Variants in RPS6KA3 observed in about 807,000 individuals in gnomAD.
The protein encoded by RPS6KA3 is ribosomal protein S6 kinase alpha-3.
A neutral mutation model predicts 67.2 loss-of-function variants in RPS6KA3; 4 were observed. That is an observed-to-expected ratio of 0.06 (90% CI 0.03 to 0.14). The LOEUF (loss-of-function observed/expected upper bound fraction) is 0.14, where lower values mean the gene tolerates loss of function less well. Among genes scored for constraint, RPS6KA3 ranks in the 10% least tolerant of loss-of-function variants. The pLI is 1.00. For synonymous variants in RPS6KA3, 182 were observed against 183.7 expected, an observed-to-expected ratio of 0.99 and a Z score of 0.07; for missense variants, 204 against 559.0, an observed-to-expected ratio of 0.36 and a Z score of 6.40.
At position 20,154,656 on chromosome X, in the gene RPS6KA3, C is replaced by T. The variant is rs1173362029; in HGVS notation, c.*742G>A. On this transcript the variant is annotated 3_prime_UTR_variant, in exon 22 of 22. Transcript: ENST00000379565. ...GATAACTTTCTCTACCATAACAGCT[C>T]TCTAGGTTAGTCTGACAGAGCACCT... The T allele has an allele frequency of 2.6e-5, 3 of 113,370 alleles. No individual in the cohort carries two copies. Among genetic ancestry groups the T allele is most frequent in the South Asian group, 3.6e-4 (1 of 2,772 alleles). The allele number at this position is 113,370 out of a possible 1,213,427, so 9.3% of individuals were successfully genotyped here. A position where few individuals can be genotyped will look rare whatever the true frequency, so the allele number is the denominator to read the frequency against.
intron 3 of RPS6KA3, among the ~76,000 whole-genome samples, chrX:20,207,049 T>C (rs907027554): frequency 1.8e-5 from 2 of 111,893 alleles, no homozygotes; most frequent in Non-Finnish European, 3.8e-5. Flanking sequence ...TGAAAGGTTA[T>C]GGAGGGGTAG....
chrX:20,177,748 A>G (rs774348469), intron 10 of RPS6KA3, among the ~76,000 whole-genome samples: 7 of 111,812 alleles, frequency 6.3e-5, no homozygotes, highest in Non-Finnish European at 9.4e-5. Flanking sequence ...CTCCTCCTCA[A>G]AGGGAATTTA....
At position 20,266,711 on chromosome X, in the gene RPS6KA3, G is replaced by A. The variant is rs1387251339; in HGVS notation, c.-79C>T. ...GGCCGGCCCCGCTCCGTCGCCGCCC[G>A]AGCCCCACGGCAGCGGCGGCGGCGG... is the stretch of plus-strand genomic sequence containing the variant. On this transcript the variant is annotated 5_prime_UTR_variant, in exon 1 of 22. Transcript: ENST00000379565. 2 of 652,053 alleles carry A rather than the reference G, an allele frequency of 3.1e-6. No homozygotes were observed. Among genetic ancestry groups the A allele is most frequent in the East Asian group, 1.1e-4 (1 of 9,177 alleles). The allele number at this position is 652,053 out of a possible 1,213,427, so 53.7% of individuals were successfully genotyped here.
intron 6 of RPS6KA3, among the ~76,000 whole-genome samples, 193 bp from the exon 7 acceptor site, chrX:20,193,786 CTA>C (rs1356389362): frequency 1.1e-4 from 12 of 112,232 alleles, no homozygotes; most frequent in Non-Finnish European, 1.9e-4. Flanking sequence ...TAAATACTAA[CTA>C]TGCACTATGG....
At chrX:20,241,310 T>C (rs2147013996) in intron 1 of RPS6KA3, among the ~76,000 whole-genome samples, 1 of 108,426 alleles carries the variant, frequency 9.2e-6, no homozygotes, top group South Asian at 3.9e-4. Context: ...TATGTTGAGA[T>C]AAGAATAAAG....
At chrX:20,235,925 A>G (rs2069397955) in intron 1 of RPS6KA3, among the ~76,000 whole-genome samples, 1 of 111,844 alleles carries the variant, frequency 8.9e-6, no homozygotes, top group Admixed American at 9.5e-5. Context: ...ATTCCTAACA[A>G]TAGAGAACTA....
intron 2 of RPS6KA3, among the ~76,000 whole-genome samples, chrX:20,232,305 TGGC>T (rs2069287633): frequency 8.9e-6 from 1 of 112,649 alleles, no homozygotes; most frequent in African/African-American, 3.2e-5. Context: ...CCAGGCACAG[TGGC>T]TCTCGCCTGT....
At chrX:20,162,065 C>T (rs1481520930) in intron 19 of RPS6KA3, among the ~76,000 whole-genome samples, 1 of 109,712 alleles carries the variant, frequency 9.1e-6, no homozygotes, top group African/African-American at 3.3e-5. Flanking sequence ...AGGCCAGGCA[C>T]GGTGGCTCAT....
At chrX:20,186,561 T>A (rs955562263) in intron 9 of RPS6KA3, among the ~76,000 whole-genome samples, 195 bp from the exon 10 acceptor site, 1 of 101,088 alleles carries the variant, frequency 9.9e-6, no homozygotes, top group Non-Finnish European at 2.0e-5. Context: ...AGCTATACAG[T>A]TTTTTTTTTT....
intron 1 of RPS6KA3, among the ~76,000 whole-genome samples, chrX:20,255,686 GC>G: frequency 1.4e-5 from 1 of 73,548 alleles, no homozygotes. Context: ...TACCTGGGAG[GC>G]AGAGGCAGGA....
Position 20,266,856 on chromosome X carries a change from C to CGCGCTGAGCGAGAGCCTCGCGCCT in RPS6KA3, c.-248_-225dup. 4 of 431,912 alleles carry CGCGCTGAGCGAGAGCCTCGCGCCT rather than the reference C, an allele frequency of 9.3e-6. No homozygotes were observed. Among genetic ancestry groups the CGCGCTGAGCGAGAGCCTCGCGCCT allele is most frequent in the Non-Finnish European group, 8.7e-6 (3 of 344,356 alleles). 35.6% of individuals were successfully genotyped at this position (431,912 alleles called of 1,213,427 possible). A position where few individuals can be genotyped will look rare whatever the true frequency, so the allele number is the denominator to read the frequency against. ...CCGCGCGCCTGGCCAGAGACGCCCG[C>CGCGCTGAGCGAGAGCCTCGCGCCT]GCGCTGAGCGAGAGCCTCGCGCCTC... On this transcript the variant is annotated 5_prime_UTR_variant, in exon 1 of 22. Transcript: ENST00000379565.
intron 10 of RPS6KA3, among the ~76,000 whole-genome samples, chrX:20,185,836 C>T (rs1428656404): frequency 8.9e-6 from 1 of 111,965 alleles, no homozygotes; most frequent in Non-Finnish European, 1.9e-5. Flanking sequence ...TCTAAATCTA[C>T]GCAGTCTGTT....
intron 7 of RPS6KA3, among the ~76,000 whole-genome samples, chrX:20,189,003 G>A (rs2068056750): frequency 8.9e-6 from 1 of 112,157 alleles, no homozygotes. Flanking sequence ...TGAACTGCTG[G>A]GCTCAAGCTA....
chrX:20,155,510 G>T lies in RPS6KA3; in HGVS notation c.2111C>A (p.Ala704Glu). The T allele has an allele frequency of 8.3e-7, 1 of 1,211,051 alleles. No homozygotes were observed. Among genetic ancestry groups the T allele is most frequent in the Non-Finnish European group, 1.1e-6 (1 of 894,879 alleles). ...ACGGTTCAAAGCAGAATATGTAGCT[G>T]CCATGGCACCCTGAACAAAGGAAAT... ...DAPHLVKGAM[A>E]ATYSALNRNQ... The change falls in exon 22 of 22, where the codon GCA becomes GAA. Residue 704 changes from alanine (A) to glutamate (E), a missense_variant. Around this residue, in one of 4 missense-constraint regions of RPS6KA3, gnomAD observed 73 missense variants for 241.1 expected, o/e 0.30. Coordinates refer to ENST00000379565, the MANE Select transcript of RPS6KA3 (RefSeq NM_004586.3).
At chrX:20,226,985 C>A (rs752986163) in intron 2 of RPS6KA3, among the ~76,000 whole-genome samples, 8 of 111,849 alleles carry the variant, frequency 7.2e-5, no homozygotes, top group African/African-American at 9.7e-5. Context: ...CTCTTGTGTA[C>A]AATTTTTGTT....
rs772265375 is a variant in RPS6KA3 at position 20,189,577 on chromosome X, G to A, written c.594-1043C>T. 3.6e-5 allele frequency among the ~76,000 whole-genome samples: 4 copies of A among 112,153 alleles called. No homozygotes were observed. In the South Asian group the frequency reaches 1.5e-3, roughly 41 times the overall value. ...ATTAATCAAGGAGCTACAGAAAGGA[G>A]AGAGTACTAAGCTGTAAGCCAATAA... On this transcript the variant is annotated intron_variant, in intron 7 of 21. Coordinates refer to ENST00000379565, the MANE Select transcript of RPS6KA3 (RefSeq NM_004586.3).
At chrX:20,167,061 G>C (rs1418885379) in intron 17 of RPS6KA3, among the ~76,000 whole-genome samples, 3 of 111,302 alleles carry the variant, frequency 2.7e-5, no homozygotes, top group Non-Finnish European at 5.6e-5. Flanking sequence ...CTGACCTCAA[G>C]TGATCTGCCT....
At position 20,256,646 on chromosome X, in the gene RPS6KA3, GCCTATTTAA is replaced by G. The variant is rs1271316297; in HGVS notation, c.69+9909_69+9917del. On this transcript the variant is annotated intron_variant, in intron 1 of 21. Transcript: ENST00000379565. ...CTGTTTTTCAGGCCAACTCACAAAA[GCCTATTTAA>G]CCCACTGTATTTGGAAACTAACATC... 8.0e-5 allele frequency among the ~76,000 whole-genome samples: 9 copies of G among 111,808 alleles called. No homozygotes were observed. In the East Asian group the frequency reaches 2.5e-3, roughly 31 times the overall value.
At chrX:20,170,498 C>T (rs2067546416) in intron 15 of RPS6KA3, among the ~76,000 whole-genome samples, 1 of 111,783 alleles carries the variant, frequency 8.9e-6, no homozygotes, top group Non-Finnish European at 1.9e-5. Flanking sequence ...AGACCAACTC[C>T]TTCTCTTCTT....
Sources: allele counts gnomAD v4.1 joint callset (sites outside exome capture counted in the v4.1 genomes callset), GRCh38; gene constraint gnomAD v4.1.1; regional missense constraint gnomAD v4.1.1; transcripts MANE v1.5; gene names NCBI Gene and HGNC (gene_info 2026-07-23, HGNC 2026-07-21).